The following TRIM5 variants were observed in gnomAD, a reference collection of about 807,000 sequenced individuals.
TRIM5 encodes tripartite motif-containing protein 5.
A neutral mutation model predicts 35.6 loss-of-function variants in TRIM5; 31 were observed. That is an observed-to-expected ratio of 0.87 (90% CI 0.65 to 1.18). The LOEUF is 1.18. TRIM5 is among the 50% of genes most tolerant of loss of function. The pLI, the probability that TRIM5 is intolerant of heterozygous loss-of-function variation, is 0.00. For synonymous variants in TRIM5, 243 were observed against 215.6 expected, an observed-to-expected ratio of 1.13 and a Z score of -1.11; for missense variants, 609 against 591.6, an observed-to-expected ratio of 1.03 and a Z score of -0.31.
At chr11:5,650,522 G>T in the TRIM5 span, among the ~76,000 whole-genome samples, 1 of 152,158 alleles carries the variant, frequency 6.6e-6, no homozygotes, top group African/African-American at 2.4e-5. Context: ...TCAACTGATT[G>T]TAGATAATTT....
At chr11:5,647,142 T>C in the TRIM5 span, among the ~76,000 whole-genome samples, 1 of 152,142 alleles carries the variant, frequency 6.6e-6, no homozygotes, top group Admixed American at 6.5e-5. Flanking sequence ...AGAGAAGTGC[T>C]CAGATAATAT....
the TRIM5 span, among the ~76,000 whole-genome samples, chr11:5,599,757 T>C: frequency 6.6e-6 from 1 of 152,200 alleles, no homozygotes; most frequent in Non-Finnish European, 1.5e-5. Flanking sequence ...TTTATTTCTA[T>C]ACTCTAGTGC....
the TRIM5 span, chr11:5,644,447 G>A: frequency 2.6e-6 from 1 of 391,356 alleles, no homozygotes; most frequent in Non-Finnish European, 4.5e-6. Context: ...GCCTTCAGAG[G>A]AATAGTAGTT....
the TRIM5 span, among the ~76,000 whole-genome samples, chr11:5,601,568 G>A: frequency 1.3e-5 from 2 of 152,118 alleles, no homozygotes; most frequent in South Asian, 4.1e-4. Context: ...GATCAGCCTG[G>A]CCAACATGGT....
Position 5,663,552 on chromosome 11 carries a change from TTAGA to T in TRIM5, c.*1253_*1256del, listed in dbSNP as rs1378188848. ...ACAAGTACTTATTAGATCAAGACAC[TTAGA>T]TAGATGCTTTATACTTCAGGAATTT... is the stretch of plus-strand genomic sequence containing the variant. On this transcript the variant is annotated 3_prime_UTR_variant, in exon 8 of 8. Transcript: ENST00000380034. The T allele has an allele frequency of 2.1e-6, 2 of 971,130 alleles. No individual in the cohort carries two copies. The highest frequency in any genetic ancestry group is 2.4e-6 in the Non-Finnish European group (2 of 816,938). The allele number at this position is 971,130 out of a possible 1,614,324, so 60.2% of individuals were successfully genotyped here.
chr11:5,623,512 C>T, the TRIM5 span, among the ~76,000 whole-genome samples: 3 of 150,154 alleles, frequency 2.0e-5, no homozygotes, highest in South Asian at 2.1e-4. Flanking sequence ...GGATTACAGG[C>T]GCATGCCACC....
At chr11:5,656,695 C>A in the TRIM5 span, among the ~76,000 whole-genome samples, 2 of 151,888 alleles carry the variant, frequency 1.3e-5, no homozygotes, top group South Asian at 2.1e-4. Flanking sequence ...ATGCGGCCAA[C>A]AAACATTTGA....
the TRIM5 span, among the ~76,000 whole-genome samples, chr11:5,614,014 C>A: frequency 3.9e-5 from 6 of 152,102 alleles, no homozygotes; most frequent in African/African-American, 1.4e-4. Context: ...ATAGGTAAGA[C>A]CTGGGGAAGG....
chr11:5,648,306 A>G, the TRIM5 span, among the ~76,000 whole-genome samples: 1 of 151,952 alleles, frequency 6.6e-6, no homozygotes, highest in Non-Finnish European at 1.5e-5. Flanking sequence ...GGAGATCGAG[A>G]CCATCCTGGC....
intron 6 of TRIM5, 46 bp from the exon 7 acceptor site, chr11:5,665,728 A>G (rs768751504): frequency 1.4e-6 from 2 of 1,473,920 alleles, no homozygotes; most frequent in South Asian, 1.6e-5. Flanking sequence ...CAAAGGAGTC[A>G]GCACTGAAAT....
chr11:5,660,808 C>T (rs562072312), downstream of TRIM5, among the ~76,000 whole-genome samples: 23 of 151,700 alleles, frequency 1.5e-4, no homozygotes, highest in South Asian at 4.8e-3. Flanking sequence ...TTTCGGAGGC[C>T]GAGGCGGGCG....
the TRIM5 span, among the ~76,000 whole-genome samples, chr11:5,654,746 G>T: frequency 6.6e-6 from 1 of 152,158 alleles, no homozygotes; most frequent in African/African-American, 2.4e-5. Context: ...ATTGAGGTAA[G>T]TATCCAGATA....
chr11:5,604,442 G>T, the TRIM5 span: 6 of 1,381,028 alleles, frequency 4.3e-6, no homozygotes, highest in African/African-American at 1.5e-5. Context: ...CTTCTTTTGA[G>T]GTTAGCAGAA....
chr11:5,611,943 T>C, the TRIM5 span: 1 of 152,232 alleles, frequency 6.6e-6, no homozygotes, highest in Non-Finnish European at 1.5e-5. Context: ...GATCTGTTAA[T>C]TTACTACAAG....
chr11:5,593,124 C>A, the TRIM5 span, among the ~76,000 whole-genome samples: 7 of 152,204 alleles, frequency 4.6e-5, no homozygotes, highest in East Asian at 1.2e-3. Context: ...AGAGGTGTTT[C>A]TCCCTGAAAT....
At chr11:5,594,117 G>A in the TRIM5 span, among the ~76,000 whole-genome samples, 151,906 of 152,298 alleles carry the variant, frequency 1, 75,759 homozygotes, top group Middle Eastern at 1. Context: ...GATGGATTAT[G>A]TGGTAAATTT....
At chr11:5,609,470 ACC>A in the TRIM5 span, among the ~76,000 whole-genome samples, 1 of 152,044 alleles carries the variant, frequency 6.6e-6, no homozygotes, top group Non-Finnish European at 1.5e-5. Flanking sequence ...GACATCTTCA[ACC>A]CCTCTGATTT....
At chr11:5,642,259 G>A in the TRIM5 span, 438 of 598,910 alleles carry the variant, frequency 7.3e-4, no homozygotes, top group Non-Finnish European at 1.0e-3. Flanking sequence ...TCTGGATCCA[G>A]GGTCCGGCTC....
chr11:5,609,244 C>T, the TRIM5 span, among the ~76,000 whole-genome samples: 1 of 152,230 alleles, frequency 6.6e-6, no homozygotes, highest in African/African-American at 2.4e-5. Flanking sequence ...ACCCTATCGT[C>T]CCTTCTGAAA....
Sources: allele counts gnomAD v4.1 joint callset (sites outside exome capture counted in the v4.1 genomes callset), GRCh38; gene constraint gnomAD v4.1.1; transcripts MANE v1.5; gene names NCBI Gene and HGNC (gene_info 2026-07-23, HGNC 2026-07-21).